The following SNX29 variants were observed in gnomAD, a reference collection of about 807,000 sequenced individuals.
SNX29 encodes the protein sorting nexin 29, also known as sorting nexin-29.
SNX29 carries 78 observed loss-of-function variants against 102.1 expected under a neutral mutation model. The observed-to-expected ratio is 0.76, with a 90% confidence interval of 0.64 to 0.92. SNX29 has a LOEUF of 0.92. Ranked by LOEUF, SNX29 falls within the 40% of genes least tolerant of loss-of-function variation. The probability of loss-of-function intolerance (pLI) is 0.00; values close to 1 mark genes in which losing one functional copy is unlikely to be tolerated. For synonymous variants in SNX29, 580 were observed against 414.5 expected (o/e 1.40, Z -4.85); for missense variants, 1,280 against 1,061.7 (o/e 1.21, Z -2.86).
chr16:12,040,900 G>A (rs546065868), intron 4 of SNX29, among the ~76,000 whole-genome samples: 10 of 152,180 alleles, frequency 6.6e-5, no homozygotes, highest in Admixed American at 1.3e-4. Flanking sequence ...TGCAACCTCC[G>A]TCTCCTGGGT....
At chr16:12,333,564 A>G (rs182605293) in intron 15 of SNX29, among the ~76,000 whole-genome samples, 6 of 152,268 alleles carry the variant, frequency 3.9e-5, no homozygotes, top group African/African-American at 9.6e-5. Context: ...TTCATTCAAC[A>G]ACATTTATCA....
At chr16:12,406,708 G>T (rs1450201501) in intron 18 of SNX29, among the ~76,000 whole-genome samples, 1 of 152,214 alleles carries the variant, frequency 6.6e-6, no homozygotes, top group Non-Finnish European at 1.5e-5. Flanking sequence ...AGGAGTTCAA[G>T]ACCATCCTGG....
chr16:12,491,278 G>A (rs1386066542), intron 19 of SNX29, among the ~76,000 whole-genome samples: 2 of 152,208 alleles, frequency 1.3e-5, no homozygotes, highest in African/African-American at 2.4e-5. Flanking sequence ...TCTCTAGGTT[G>A]TGTGCCCATG....
chr16:12,401,882 G>T (rs147296405), intron 17 of SNX29, among the ~76,000 whole-genome samples: 1 of 152,164 alleles, frequency 6.6e-6, no homozygotes, highest in African/African-American at 2.4e-5. Context: ...ATCAATTTCT[G>T]ATACAGTGTG....
chr16:12,480,711 C>T (rs1340534874), intron 19 of SNX29, among the ~76,000 whole-genome samples: 3 of 152,134 alleles, frequency 2.0e-5, no homozygotes, highest in African/African-American at 4.8e-5. Flanking sequence ...AAACTTAAGA[C>T]AAAATAAATC....
At chr16:12,522,148 G>A (rs1249652043) in intron 19 of SNX29, among the ~76,000 whole-genome samples, 1 of 152,240 alleles carries the variant, frequency 6.6e-6, no homozygotes, top group African/African-American at 2.4e-5. Flanking sequence ...AGGATGCCCA[G>A]TGAAATTGGA....
intron 14 of SNX29, among the ~76,000 whole-genome samples, chr16:12,224,712 G>A (rs2077565641): frequency 6.6e-6 from 1 of 152,242 alleles, no homozygotes; most frequent in South Asian, 2.1e-4. Flanking sequence ...GTCTAGGCAA[G>A]GGTTTGTTTT....
intron 15 of SNX29, among the ~76,000 whole-genome samples, chr16:12,291,261 A>G (rs146013163): frequency 2.0e-5 from 3 of 152,312 alleles, no homozygotes; most frequent in African/African-American, 4.8e-5. Context: ...ACAGTTCCAC[A>G]TGGCTGGGGA....
At chr16:12,361,898 T>G (rs767540248) in intron 16 of SNX29, among the ~76,000 whole-genome samples, 16 of 151,690 alleles carry the variant, frequency 1.1e-4, no homozygotes, top group Non-Finnish European at 2.4e-4. Flanking sequence ...CTGTTACCAG[T>G]CTTGGGTTTC....
intron 20 of SNX29, among the ~76,000 whole-genome samples, chr16:12,554,874 T>C (rs536748559): frequency 0.015 from 2,274 of 152,104 alleles, 52 homozygotes; most frequent in African/African-American, 0.051. Context: ...AGGACAAAGA[T>C]ATGTCAGCAT....
At chr16:12,133,814 A>G (rs1392049792) in intron 13 of SNX29, among the ~76,000 whole-genome samples, 2 of 152,230 alleles carry the variant, frequency 1.3e-5, no homozygotes, top group South Asian at 2.1e-4. Flanking sequence ...GAGCTAGTCT[A>G]TCTCCTACTC....
intron 19 of SNX29, among the ~76,000 whole-genome samples, chr16:12,481,395 T>TATAC (rs536664184): frequency 1.6e-4 from 24 of 149,830 alleles, no homozygotes; most frequent in African/African-American, 4.2e-4. Flanking sequence ...TATATATATA[T>TATAC]ACACACACAC....
intron 13 of SNX29, among the ~76,000 whole-genome samples, chr16:12,136,137 C>T (rs540326619): frequency 6.6e-6 from 1 of 152,374 alleles, no homozygotes; most frequent in South Asian, 2.1e-4. Flanking sequence ...TTCTGCTGCA[C>T]TCACATGAAC....
chr16:12,362,112 T>C (rs2082317076), intron 16 of SNX29, among the ~76,000 whole-genome samples: 1 of 152,248 alleles, frequency 6.6e-6, no homozygotes, highest in Non-Finnish European at 1.5e-5. Flanking sequence ...ACTTCACGAG[T>C]AGAATTGTTG....
intron 19 of SNX29, among the ~76,000 whole-genome samples, chr16:12,505,929 G>A (rs547446912): frequency 1.3e-5 from 2 of 152,104 alleles, no homozygotes; most frequent in East Asian, 3.9e-4. Context: ...ATCATATTTT[G>A]TAGTTTTTCT....
chr16:12,112,532 A>G (rs1448179638), intron 11 of SNX29, among the ~76,000 whole-genome samples: 1 of 152,212 alleles, frequency 6.6e-6, no homozygotes, highest in African/African-American at 2.4e-5. Flanking sequence ...CATGGGTGGA[A>G]TCCTGCTCAC....
intron 20 of SNX29, among the ~76,000 whole-genome samples, chr16:12,540,951 C>G (rs1327726511): frequency 2.0e-5 from 3 of 152,018 alleles, no homozygotes; most frequent in African/African-American, 7.3e-5. Flanking sequence ...GGTCAGGCTG[C>G]CTGTAGTTCA....
chr16:12,570,972 G>T lies in SNX29; in HGVS notation c.*2343G>T. On this transcript the variant is annotated 3_prime_UTR_variant, in exon 21 of 21. Transcript: ENST00000566228. ...GGACCATCCCCAGCTGCCTGCTCCT[G>T]GTACCTCCCCCATGATCATGCACAG... 1 of 232,326 alleles carries T rather than the reference G, an allele frequency of 4.3e-6. No homozygotes were observed. Among genetic ancestry groups the T allele is most frequent in the East Asian group, 6.1e-5 (1 of 16,452 alleles). 14.4% of individuals were successfully genotyped at this position (232,326 alleles called of 1,614,324 possible). A position where few individuals can be genotyped will look rare whatever the true frequency, so the allele number is the denominator to read the frequency against.
intron 15 of SNX29, among the ~76,000 whole-genome samples, chr16:12,322,701 A>G (rs2080978721): frequency 6.6e-6 from 1 of 151,700 alleles, no homozygotes; most frequent in African/African-American, 2.4e-5. Context: ...GCTGGGGACC[A>G]CCGTCAGGAC....
Sources: allele counts gnomAD v4.1 joint callset (sites outside exome capture counted in the v4.1 genomes callset), GRCh38; gene constraint gnomAD v4.1.1; transcripts MANE v1.5; gene names NCBI Gene and HGNC (gene_info 2026-07-23, HGNC 2026-07-21).